The following RFT1 variants were observed in gnomAD, a reference collection of about 807,000 sequenced individuals.
RFT1 encodes the protein man(5)GlcNAc(2)-PP-dolichol translocation protein RFT1.
Under a neutral mutation model 62.2 loss-of-function variants are expected in RFT1, and 43 were observed. The ratio of observed to expected loss-of-function variants is 0.69; its 90% confidence interval spans 0.54 to 0.89. The LOEUF (loss-of-function observed/expected upper bound fraction) is 0.89, where lower values mean the gene tolerates loss of function less well. Among genes scored for constraint, RFT1 ranks in the 40% least tolerant of loss-of-function variants. The pLI is 0.00. For synonymous variants in RFT1, 262 were observed against 264.6 expected, an observed-to-expected ratio of 0.99 and a Z score of 0.10; for missense variants, 605 against 649.9, an observed-to-expected ratio of 0.93 and a Z score of 0.75.
chr3:53,070,344 G>T, the RFT1 span, among the ~76,000 whole-genome samples: 39,957 of 146,008 alleles, frequency 0.27, 5,903 homozygotes, highest in Middle Eastern at 0.39. Context: ...GAGCCCAGAA[G>T]TATGCTGGGA....
intron 6 of RFT1, among the ~76,000 whole-genome samples, chr3:53,113,362 A>G (rs1210248623): frequency 6.6e-6 from 1 of 151,138 alleles, no homozygotes; most frequent in Non-Finnish European, 1.5e-5. Context: ...AAAAGTAGTG[A>G]TTATCCAAAG....
chr3:53,102,044 A>G (rs985571746), intron 10 of RFT1, among the ~76,000 whole-genome samples: 6 of 152,126 alleles, frequency 3.9e-5, no homozygotes, highest in Non-Finnish European at 7.4e-5. Flanking sequence ...CTCACTAAAA[A>G]AAAAAAAAAG....
chr3:53,081,082 G>A, the RFT1 span, among the ~76,000 whole-genome samples: 1 of 152,230 alleles, frequency 6.6e-6, no homozygotes, highest in East Asian at 1.9e-4. Flanking sequence ...CCTGGCTGGG[G>A]CATGGGGAGA....
chr3:53,086,028 C>T (rs1259347516), downstream of RFT1, among the ~76,000 whole-genome samples: 1 of 152,214 alleles, frequency 6.6e-6, no homozygotes, highest in Non-Finnish European at 1.5e-5. Context: ...TGGGGACTGA[C>T]TGATAATGCA....
chr3:53,074,123 C>T, the RFT1 span, among the ~76,000 whole-genome samples: 2 of 152,126 alleles, frequency 1.3e-5, no homozygotes, highest in African/African-American at 4.8e-5. Context: ...CCACATCTGC[C>T]AGGATCCCTA....
chr3:53,073,446 C>A, the RFT1 span, among the ~76,000 whole-genome samples: 1 of 152,222 alleles, frequency 6.6e-6, no homozygotes, highest in African/African-American at 2.4e-5. Context: ...AGCGCCTCTG[C>A]ACCCTTTGTC....
At position 53,088,646 on chromosome 3, in the gene RFT1, C is replaced by T. The variant is rs987139190; in HGVS notation, c.*3257G>A. On this transcript the variant is annotated 3_prime_UTR_variant, in exon 13 of 13. Transcript: ENST00000296292. ...ATCACTTGAGCCCAGGAGTTCAAGG[C>T]AACAGTGAGATCCAGTCTCTACAAA... 6 of 150,412 alleles carry T rather than the reference C, an allele frequency of 4.0e-5. No homozygotes were observed. Among genetic ancestry groups the T allele is most frequent in the African/African-American group, 1.5e-4 (6 of 40,680 alleles). 9.3% of individuals were successfully genotyped at this position (150,412 alleles called of 1,614,324 possible).
intron 5 of RFT1, among the ~76,000 whole-genome samples, chr3:53,120,929 C>T (rs1226312449): frequency 6.6e-6 from 1 of 152,210 alleles, no homozygotes; most frequent in African/African-American, 2.4e-5. Context: ...CCTTAAAGCT[C>T]CAGCGGCACT....
At chr3:53,077,642 T>A in the RFT1 span, 1 of 152,210 alleles carries the variant, frequency 6.6e-6, no homozygotes, top group Non-Finnish European at 1.5e-5. Context: ...GGGGCATCAG[T>A]GACTTTACTG....
intron 8 of RFT1, 130 bp from the exon 9 acceptor site, chr3:53,105,933 G>A (rs969715843): frequency 1.1e-6 from 1 of 944,702 alleles, no homozygotes; most frequent in Non-Finnish European, 1.5e-6. Context: ...TTCACACAGA[G>A]TTATAAGAAG....
chr3:53,083,587 G>A (rs991376081), downstream of RFT1, among the ~76,000 whole-genome samples: 2 of 152,142 alleles, frequency 1.3e-5, no homozygotes, highest in African/African-American at 4.8e-5. Flanking sequence ...CTGAACACAG[G>A]GCACCCCTGG....
At chr3:53,105,424 C>T (rs867325069) in intron 9 of RFT1, among the ~76,000 whole-genome samples, 3 of 134,410 alleles carry the variant, frequency 2.2e-5, no homozygotes, top group African/African-American at 8.3e-5. Flanking sequence ...CGCCCCCCCC[C>T]CCAAAAAGAG....
chr3:53,121,545 C>T (rs1169251982), intron 5 of RFT1, among the ~76,000 whole-genome samples, 154 bp downstream of exon 5: 1 of 152,206 alleles, frequency 6.6e-6, no homozygotes, highest in African/African-American at 2.4e-5. Flanking sequence ...GACCTGGCAG[C>T]TAGAGAAGCA....
chr3:53,073,028 T>A, the RFT1 span, among the ~76,000 whole-genome samples: 16 of 152,138 alleles, frequency 1.1e-4, no homozygotes, highest in Admixed American at 2.0e-4. Context: ...CACCTTTGAG[T>A]CCTGGGGGGC....
chr3:53,079,286 A>G, the RFT1 span, among the ~76,000 whole-genome samples: 1 of 152,198 alleles, frequency 6.6e-6, no homozygotes, highest in East Asian at 1.9e-4. Context: ...CACTACTCAG[A>G]TATGACCCAC....
At chr3:53,106,055 A>C (rs1485913532) in intron 8 of RFT1, among the ~76,000 whole-genome samples, 2 of 152,062 alleles carry the variant, frequency 1.3e-5, no homozygotes, top group Non-Finnish European at 2.9e-5. Flanking sequence ...AAACACGGAA[A>C]AACCCTGTCT....
chr3:53,095,192 T>G (rs1053815138), intron 11 of RFT1, among the ~76,000 whole-genome samples: 5 of 151,278 alleles, frequency 3.3e-5, no homozygotes, highest in Admixed American at 1.3e-4. Context: ...GAACCCGGGA[T>G]GCGGGGGTTG....
At chr3:53,069,829 T>C in the RFT1 span, among the ~76,000 whole-genome samples, 1 of 152,214 alleles carries the variant, frequency 6.6e-6, no homozygotes, top group Admixed American at 6.5e-5. Context: ...AGCCTGGATG[T>C]CCAGCAATAG....
chr3:53,104,008 G>A lies in RFT1; in HGVS notation c.1047C>T (p.Ala349=), dbSNP rs1256123112. Residue 349 remains alanine (A), a synonymous_variant, in exon 10 of 13, where the codon GCC becomes GCT. Transcript: ENST00000296292. The stretch of plus-strand genomic sequence containing the variant: ...AGATATCCAGAGCCAGCTGAGAATA[G>A]GCAAAGCCAAAAACAGTGATGGTCA... The part of the protein sequence containing the change: ...AGLTITVFGF[A]YSQLALDIYG... The A allele has an allele frequency of 1.2e-6, 2 of 1,614,112 alleles. No individual in the cohort carries two copies. Among genetic ancestry groups the A allele is most frequent in the East Asian group, 2.2e-5 (1 of 44,900 alleles).
Sources: allele counts gnomAD v4.1 joint callset (sites outside exome capture counted in the v4.1 genomes callset), GRCh38; gene constraint gnomAD v4.1.1; transcripts MANE v1.5; gene names NCBI Gene and HGNC (gene_info 2026-07-23, HGNC 2026-07-21).